Variants in FASTKD5 observed in about 807,000 individuals in gnomAD.
FASTKD5 encodes FAST kinase domains 5, also known as non-canonical pre-mRNAs endonuclease FASTKD5, mitochondrial.
FASTKD5 carries 30 observed loss-of-function variants against 44.0 expected under a neutral mutation model. The ratio of observed to expected loss-of-function variants is 0.68; its 90% CI spans 0.51 to 0.93. FASTKD5 has a LOEUF of 0.93. FASTKD5 is among the 40% of genes least tolerant of loss of function. The pLI, the probability that FASTKD5 is intolerant of heterozygous loss-of-function variation, is 0.00. For missense variants in FASTKD5, 868 were observed against 908.2 expected, an observed-to-expected ratio of 0.96 and a Z score of 0.57; for synonymous variants, 335 against 342.2, an observed-to-expected ratio of 0.98 and a Z score of 0.23.
chr20:3,151,647 T>G (rs944436219), intron 1 of FASTKD5: 1 of 151,158 alleles, frequency 6.6e-6, no homozygotes, highest in African/African-American at 2.4e-5. Context: ...AAAAATAAAT[T>G]AAAAAAATAA....
intron 1 of FASTKD5, chr20:3,151,886 CT>C (rs1448568341): frequency 6.6e-6 from 1 of 151,482 alleles, no homozygotes; most frequent in Non-Finnish European, 1.5e-5. Context: ...AGGCAGATCA[CT>C]TGAGGTCAGG....
intron 1 of FASTKD5, among the ~76,000 whole-genome samples, chr20:3,154,992 G>A (rs1019613291): frequency 1.4e-5 from 2 of 142,372 alleles, no homozygotes; most frequent in African/African-American, 5.4e-5. Context: ...GGCAGAGGTT[G>A]CAGTGAACCA....
chr20:3,150,434 T>C (rs901016049), intron 1 of FASTKD5: 1 of 152,234 alleles, frequency 6.6e-6, no homozygotes, highest in Admixed American at 6.5e-5. Flanking sequence ...GTGAGCAGTA[T>C]AATGCCCATT....
chr20:3,155,418 C>T (rs964827983), intron 1 of FASTKD5, among the ~76,000 whole-genome samples: 1 of 151,802 alleles, frequency 6.6e-6, no homozygotes, highest in African/African-American at 2.4e-5. Context: ...GTAATCTCAG[C>T]TACTCAGAAG....
rs41304800 is a variant in FASTKD5 at position 3,147,932 on chromosome 20, A to C, written c.1139T>G (p.Ile380Arg). ...CAGGGAAGGAATTCGCTGAGGAGCT[A>C]TCTCTCCAATCTGCTTCATGAAATT... Reference protein sequence around the residue: ...HINFMKQIGEIAPQRIPSLGV... With the variant: ...HINFMKQIGERAPQRIPSLGV... The change falls in exon 2 of 2, where the codon ATA becomes AGA. Residue 380 changes from isoleucine (I) to arginine (R), a missense_variant. Coordinates refer to ENST00000380266, the MANE Select transcript of FASTKD5 (RefSeq NM_021826.5). 153,277 of 1,614,132 alleles carry C rather than the reference A, an allele frequency of 0.095. 8,096 individuals carry two copies. The highest frequency in any genetic ancestry group is 0.11 in the Non-Finnish European group (129,351 of 1,179,978).
Position 3,148,594 on chromosome 20 carries a change from C to G in FASTKD5, c.477G>C (p.Gln159His), listed in dbSNP as rs149862009. 2.6e-4 allele frequency: 422 copies of G among 1,614,022 alleles called. 1 individual carries two copies. Among genetic ancestry groups the G allele is most frequent in the Non-Finnish European group, 3.4e-4 (400 of 1,180,052 alleles). Reference sequence around the variant, plus strand: ...ACAAATAATCAACAATGACTTGAGCCTGGAGATTATTTTGATTAACTCTGA... The same window carrying G: ...ACAAATAATCAACAATGACTTGAGCGTGGAGATTATTTTGATTAACTCTGA... The part of the protein sequence containing the change: ...HKVRVNQNNL[Q>H]AQVIVDYLCK... The change falls in exon 2 of 2, where the codon CAG (glutamine) becomes CAC (histidine). Residue 159 changes from glutamine (Q) to histidine (H), a missense_variant. By Grantham distance (24) the Gln-to-His change is conservative (BLOSUM62 0). Coordinates refer to ENST00000380266, the MANE Select transcript of FASTKD5 (RefSeq NM_021826.5).
chr20:3,152,919 T>C (rs1320195638), intron 1 of FASTKD5, among the ~76,000 whole-genome samples: 1 of 147,746 alleles, frequency 6.8e-6, no homozygotes, highest in Non-Finnish European at 1.5e-5. Context: ...AAAAAAAAAG[T>C]AGATCCTAAA....
intron 1 of FASTKD5, among the ~76,000 whole-genome samples, chr20:3,153,420 T>C (rs758594194): frequency 1.3e-5 from 2 of 152,236 alleles, no homozygotes; most frequent in Middle Eastern, 3.2e-3. Context: ...ATAACATCTC[T>C]GTAATGTAAG....
intron 1 of FASTKD5, among the ~76,000 whole-genome samples, chr20:3,157,082 G>A (rs896621083): frequency 4.7e-5 from 7 of 147,844 alleles, no homozygotes; most frequent in South Asian, 2.1e-4. Flanking sequence ...GCTACATGGC[G>A]AGACCCTGTC....
intron 1 of FASTKD5, among the ~76,000 whole-genome samples, chr20:3,150,338 G>C (rs1416417639): frequency 2.0e-5 from 3 of 152,170 alleles, no homozygotes; most frequent in Non-Finnish European, 4.4e-5. Context: ...TCAGGGTTCA[G>C]GGAACGCCAA....
chr20:3,149,171 G>T lies in FASTKD5; in HGVS notation c.-101C>A. The T allele has an allele frequency of 7.4e-7, 1 of 1,347,552 alleles. No individual in the cohort carries two copies. Among genetic ancestry groups the T allele is most frequent in the Non-Finnish European group, 1.0e-6 (1 of 992,124 alleles). The allele number at this position is 1,347,552 out of a possible 1,614,324, so 83.5% of individuals were successfully genotyped here. A position where few individuals can be genotyped will look rare whatever the true frequency, so the allele number is the denominator to read the frequency against. On this transcript the variant is annotated 5_prime_UTR_variant, in exon 2 of 2. Transcript: ENST00000380266. This position sits in a 1 kb window ranked among gnomAD's most constrained non-coding sequence, Gnocchi z 4.1. ...ATGGTGCTTGATTAGAGCTGGACGGGGAGGTGTTCCACAAAAACTGCCTGG... is the reference window on the plus strand; with the variant it reads ...ATGGTGCTTGATTAGAGCTGGACGGTGAGGTGTTCCACAAAAACTGCCTGG...
chr20:3,148,119 C>T lies in FASTKD5; in HGVS notation c.952G>A (p.Val318Ile). Residue 318 changes from valine to isoleucine, a missense_variant, in exon 2 of 2, where the codon GTT (valine) becomes ATT (isoleucine). Transcript: ENST00000380266. ...KYIDLINLEE[V>I]GTICLGFFKS... ...AAGAACCCCAAACAGATGGTACCAA[C>T]CTCCTCCAAATTGATCAAATCTATA... The T allele has an allele frequency of 6.2e-7, 1 of 1,614,010 alleles. No individual in the cohort carries two copies. The highest frequency in any genetic ancestry group is 8.5e-7 in the Non-Finnish European group (1 of 1,180,004).
Position 3,148,575 on chromosome 20 carries a change from A to G in FASTKD5, c.496T>C (p.Tyr166His). ...NNLQAQVIVDYLCKLSSLPAE... is the reference protein window; with the variant it reads ...NNLQAQVIVDHLCKLSSLPAE... ...GGCAAAGAGCTCAGCTTACACAAAT[A>G]ATCAACAATGACTTGAGCCTGGAGA... The change falls in exon 2 of 2, where the codon TAT becomes CAT. Residue 166 changes from tyrosine to histidine, a missense_variant. Coordinates refer to ENST00000380266, the MANE Select transcript of FASTKD5 (RefSeq NM_021826.5). 6.2e-7 allele frequency: 1 copy of G among 1,614,162 alleles called. No homozygotes were observed. The highest frequency in any genetic ancestry group is 8.5e-7 in the Non-Finnish European group (1 of 1,180,048).
chr20:3,149,208 A>AT lies in FASTKD5; in HGVS notation c.-139dup. The AT allele has an allele frequency of 1.2e-6, 1 of 850,174 alleles. No homozygotes were observed. The highest frequency in any genetic ancestry group is 1.8e-6 in the Non-Finnish European group (1 of 554,212). The allele number at this position is 850,174 out of a possible 1,614,324, so 52.7% of individuals were successfully genotyped here. ...CAAAAACTGCCTGGAAATCTTCAGCATATCACAAGAGCCAGGGATCACAAA... is the reference window on the plus strand; with the variant it reads ...CAAAAACTGCCTGGAAATCTTCAGCATTATCACAAGAGCCAGGGATCACAAA... On this transcript the variant is annotated 5_prime_UTR_variant, in exon 2 of 2. In the 5' UTR this introduces an upstream ATG that the reference lacks. Transcript: ENST00000380266. The surrounding 1 kb of genome is among the most constrained non-coding windows in gnomAD (Gnocchi z 4.1).
At chr20:3,150,861 GT>G (rs2066617000) in intron 1 of FASTKD5, 1 of 152,162 alleles carries the variant, frequency 6.6e-6, no homozygotes, top group Non-Finnish European at 1.5e-5. Context: ...TATACACTTG[GT>G]TCTTTACTGT....
At position 3,146,695 on chromosome 20, in the gene FASTKD5, T is replaced by G; in HGVS notation, c.*81A>C. On this transcript the variant is annotated 3_prime_UTR_variant, in exon 2 of 2. Transcript: ENST00000380266. ...ACACTATTTTATCGCCAAACTTACA[T>G]TCTGGCTTTTATAATCATTTTGCAA... is the stretch of plus-strand genomic sequence containing the variant. 6.8e-7 allele frequency: 1 copy of G among 1,478,668 alleles called. No homozygotes were observed. Among genetic ancestry groups the G allele is most frequent in the Non-Finnish European group, 9.1e-7 (1 of 1,097,150 alleles). The allele number at this position is 1,478,668 out of a possible 1,614,324, so 91.6% of individuals were successfully genotyped here.
rs1199022079 is a variant in FASTKD5 at position 3,147,453 on chromosome 20, C to T, written c.1618G>A (p.Glu540Lys). 1 of 1,614,190 alleles carries T rather than the reference C, an allele frequency of 6.2e-7. No homozygotes were observed. The highest frequency in any genetic ancestry group is 2.2e-5 in the East Asian group (1 of 44,892). The stretch of plus-strand genomic sequence containing the variant: ...AAATACCACAGCAATTCAGACCCCT[C>T]TTGCTGAAGGTGAGTACTAAGACGA... ...GNRLSTHLQQ[E>K]GSELLWYLAE... Residue 540 changes from glutamate (E) to lysine (K), a missense_variant, in exon 2 of 2, where the codon GAG (glutamate) becomes AAG (lysine). Glu to Lys is a moderately conservative substitution (Grantham distance 56). Coordinates refer to ENST00000380266, the MANE Select transcript of FASTKD5 (RefSeq NM_021826.5).
intron 1 of FASTKD5, among the ~76,000 whole-genome samples, chr20:3,152,100 C>CAA (rs60655157): frequency 0.016 from 992 of 62,382 alleles, 16 homozygotes; most frequent in Non-Finnish European, 0.028. Flanking sequence ...GACTCTGTCT[C>CAA]AAAAAAAAAA....
rs1383395146 is a variant in FASTKD5 at position 3,147,008 on chromosome 20, G to C, written c.2063C>G (p.Ala688Gly). ...CTTCATTCTTGGGGTCTGCATGCAGGCTGCGGGGCACAGGCCAGCCATCTC... is the reference window on the plus strand; with the variant it reads ...CTTCATTCTTGGGGTCTGCATGCAGCCTGCGGGGCACAGGCCAGCCATCTC... ...AMEMAGLCPA[A>G]CMQTPRMKLA... Residue 688 changes from alanine to glycine, a missense_variant, in exon 2 of 2, where the codon GCC becomes GGC. Physicochemically the swap from Ala to Gly is moderately conservative, Grantham distance 60. Coordinates refer to ENST00000380266, the MANE Select transcript of FASTKD5 (RefSeq NM_021826.5). 9 of 1,614,064 alleles carry C rather than the reference G, an allele frequency of 5.6e-6. No homozygotes were observed. The highest frequency in any genetic ancestry group is 1.3e-5 in the African/African-American group (1 of 74,920).
Sources: allele counts gnomAD v4.1 joint callset (sites outside exome capture counted in the v4.1 genomes callset), GRCh38; gene constraint gnomAD v4.1.1; non-coding constraint Gnocchi (gnomAD v3.1); transcripts MANE v1.5; gene names NCBI Gene and HGNC (gene_info 2026-07-23, HGNC 2026-07-21).